Variants in MYOM3 observed in about 807,000 individuals in gnomAD.
MYOM3 encodes myomesin 3.
MYOM3 carries 155 observed loss-of-function variants against 191.7 expected under a neutral mutation model. The ratio of observed to expected loss-of-function variants is 0.81; its 90% CI spans 0.71 to 0.92. The LOEUF (loss-of-function observed/expected upper bound fraction) is 0.92. Ranked by LOEUF, MYOM3 falls within the 40% of genes least tolerant of loss-of-function variation. MYOM3 has a pLI of 0.00. For missense variants in MYOM3, 1,889 were observed against 1,890.6 expected, an observed-to-expected ratio of 1.00 and a Z score of 0.02; for synonymous variants, 757 against 762.9, an observed-to-expected ratio of 0.99 and a Z score of 0.13.
Position 24,062,019 on chromosome 1 carries a change from G to A in MYOM3, c.3861C>T (p.Asp1287=). 1.2e-6 allele frequency: 2 copies of A among 1,614,192 alleles called. No individual in the cohort carries two copies. Among genetic ancestry groups the A allele is most frequent in the Non-Finnish European group, 1.7e-6 (2 of 1,180,036 alleles). The part of the protein sequence containing the change: ...WLHILDPKDS[D]KGKYTLEIAA... Reference sequence around the variant, plus strand: ...CTATTTCCAGAGTGTATTTGCCCTTGTCTGAGTCTTTGGGGTCCAGGATGT... The same window carrying A: ...CTATTTCCAGAGTGTATTTGCCCTTATCTGAGTCTTTGGGGTCCAGGATGT... The change falls in exon 33 of 37, where the codon GAC becomes GAT. Residue 1287 remains aspartate, a synonymous_variant. Transcript: ENST00000374434.
intron 9 of MYOM3, among the ~76,000 whole-genome samples, chr1:24,094,502 C>A (rs1643868194): frequency 6.6e-6 from 1 of 152,108 alleles, no homozygotes; most frequent in South Asian, 2.1e-4. Flanking sequence ...ATGATGCATG[C>A]AAATGGCTGA....
intron 26 of MYOM3, 59 bp downstream of exon 26, chr1:24,068,146 TCAGGGCTGCAGGGCAGGC>T: frequency 6.9e-7 from 1 of 1,457,328 alleles, no homozygotes; most frequent in Non-Finnish European, 9.3e-7. Context: ...AGCCGAGGAC[TCAGGGCTGCAGGGCAGGC>T]CAGGTGTGCG....
chr1:24,102,583 C>T (rs1472818095), intron 5 of MYOM3, among the ~76,000 whole-genome samples: 1 of 152,292 alleles, frequency 6.6e-6, no homozygotes, highest in East Asian at 1.9e-4. Flanking sequence ...CATAGTGGCT[C>T]ATGCCTGTAT....
chr1:24,071,143 T>C lies in MYOM3; in HGVS notation c.3124A>G (p.Asn1042Asp), dbSNP rs1219635966. 6.2e-7 allele frequency: 1 copy of C among 1,613,978 alleles called. No individual in the cohort carries two copies. ...SPAAELHLIF[N>D]NKEIFSSPNR... Reference sequence around the variant, plus strand: ...GGCGAGCTGAAGATCTCCTTGTTGTTGAAGATTAGATGTAGCTCAGCGGCT... The same window carrying C: ...GGCGAGCTGAAGATCTCCTTGTTGTCGAAGATTAGATGTAGCTCAGCGGCT... Residue 1042 changes from asparagine (N) to aspartate (D), a missense_variant, in exon 25 of 37, where the codon AAC becomes GAC. Coordinates refer to ENST00000374434, the MANE Select transcript of MYOM3 (RefSeq NM_152372.4).
chr1:24,090,263 C>T, intron 12 of MYOM3, 145 bp from the exon 13 acceptor site: 1 of 667,784 alleles, frequency 1.5e-6, no homozygotes, highest in South Asian at 1.7e-5. Context: ...AGGTGCCCTC[C>T]CTCTGGCCTC....
rs991543806 is a variant in MYOM3, at chr1:24,063,598, C to A, written c.3623-68G>T. The A allele has an allele frequency of 6.3e-6, 10 of 1,585,380 alleles. No homozygotes were observed. The highest frequency in any genetic ancestry group is 1.3e-5 in the African/African-American group (1 of 74,458). ...CCTAGGGATGTGCTAGGAGTGGGGA[C>A]ATCCTAGAAAAAGGCTGGTGGAGCC... On this transcript the variant is annotated intron_variant, in intron 30 of 36. Coordinates refer to ENST00000374434, the MANE Select transcript of MYOM3 (RefSeq NM_152372.4). The surrounding 1 kb of genome is among the most constrained non-coding windows in gnomAD (Gnocchi z 4.5).
In MYOM3 at chr1:24,091,016, C is replaced by A. The variant is rs374233798; in HGVS notation, c.1233-20G>T. 7.4e-6 allele frequency: 12 copies of A among 1,612,658 alleles called. No homozygotes were observed. The highest frequency in any genetic ancestry group is 1.7e-5 in the Admixed American group (1 of 59,962). Reference sequence around the variant, plus strand: ...TGGCACCTGTTGGAGACAGGCCCCCCCTTTCAGCCCCTGCCCACAATGCAC... The same window carrying A: ...TGGCACCTGTTGGAGACAGGCCCCCACTTTCAGCCCCTGCCCACAATGCAC... On this transcript the variant is annotated intron_variant, in intron 11 of 36. Transcript: ENST00000374434.
chr1:24,094,529 T>G (rs1404422634), intron 9 of MYOM3, among the ~76,000 whole-genome samples: 1 of 152,052 alleles, frequency 6.6e-6, no homozygotes, highest in African/African-American at 2.4e-5. Flanking sequence ...GCCTGGTCAG[T>G]GCCAGCGGCT....
intron 35 of MYOM3, 44 bp from the exon 36 acceptor site, chr1:24,059,023 C>A: frequency 2.1e-6 from 3 of 1,439,872 alleles, no homozygotes; most frequent in South Asian, 1.2e-5. Context: ...CCTTTTCTGC[C>A]AGCCGCTTCC....
intron 10 of MYOM3, 34 bp from the exon 11 acceptor site, chr1:24,092,349 G>A: frequency 7.5e-7 from 1 of 1,339,740 alleles, no homozygotes; most frequent in Non-Finnish European, 9.6e-7. Flanking sequence ...GGCCCTTCTA[G>A]TCAGTGGCCA....
intron 33 of MYOM3, among the ~76,000 whole-genome samples, chr1:24,061,714 G>A (rs1289919642): frequency 6.6e-6 from 1 of 151,942 alleles, no homozygotes; most frequent in East Asian, 1.9e-4. Flanking sequence ...CAAGTAGCTG[G>A]GAATATAGGC....
intron 23 of MYOM3, 46 bp from the exon 24 acceptor site, chr1:24,072,059 C>G: frequency 4.4e-6 from 7 of 1,599,630 alleles, no homozygotes; most frequent in Non-Finnish European, 6.0e-6. Context: ...AATGAAATAT[C>G]CTGGTCGGGG....
In MYOM3 at chr1:24,090,864, G is replaced by A; in HGVS notation, c.1365C>T (p.Ser455=). The A allele has an allele frequency of 6.2e-7, 1 of 1,614,166 alleles. No homozygotes were observed. Among genetic ancestry groups the A allele is most frequent in the Non-Finnish European group, 8.5e-7 (1 of 1,180,022 alleles). Residue 455 remains serine (S), a synonymous_variant, in exon 12 of 37, where the codon AGC becomes AGT. Transcript: ENST00000374434. ...ACTCTGAGGCCTTGGAGGGGACGCT[G>A]CTGCCTACCCTGCTGATGGCTCTCA... ...FRVRAISRVG[S]SVPSKASELV... is the part of the protein sequence containing the mutation.
In MYOM3 at chr1:24,103,888, C is replaced by T. The variant is rs893525435; in HGVS notation, c.560+2032G>A. 2.6e-5 allele frequency among the ~76,000 whole-genome samples: 4 copies of T among 151,218 alleles called. No homozygotes were observed. In the East Asian group the frequency reaches 5.8e-4, roughly 22 times the overall value. ...TGGCTCAGTCCTTTGGATGTTAATCCGACTGGGTTGGTGCACCTAAATAAT... is the reference window on the plus strand; with the variant it reads ...TGGCTCAGTCCTTTGGATGTTAATCTGACTGGGTTGGTGCACCTAAATAAT... On this transcript the variant is annotated intron_variant, in intron 5 of 36. Transcript: ENST00000374434.
At chr1:24,107,482 C>T (rs990420289) in intron 3 of MYOM3, among the ~76,000 whole-genome samples, 1 of 152,212 alleles carries the variant, frequency 6.6e-6, no homozygotes, top group Non-Finnish European at 1.5e-5. Flanking sequence ...GTTTTCACGA[C>T]AGCCAAGTGG....
chr1:24,061,312 A>G lies in MYOM3; in HGVS notation c.3935-3T>C, dbSNP rs765173786. 1.3e-5 allele frequency: 21 copies of G among 1,613,938 alleles called. No homozygotes were observed. In the East Asian group the frequency reaches 2.0e-4, roughly 15 times the overall value. ...TTCAGCCATTGCATCCTCAAAAGCT[A>G]TAAGAAGGACAGAGGAGAATGGGGG... On this transcript the variant is annotated splice_polypyrimidine_tract_variant and splice_region_variant and intron_variant, in intron 33 of 36. Transcript: ENST00000374434.
At chr1:24,093,550 G>A (rs1021754560) in intron 9 of MYOM3, among the ~76,000 whole-genome samples, 7 of 151,876 alleles carry the variant, frequency 4.6e-5, no homozygotes, top group African/African-American at 1.7e-4. Context: ...GGTGGAGGAC[G>A]TGTCGTGGGG....
Position 24,093,043 on chromosome 1 carries a change from C to G in MYOM3, c.994G>C (p.Val332Leu). ...TCGTCCTCCTTGTAGGTGCAGGACACCTTCAGGGATGCCTGGCGGTCTGTG... is the reference window on the plus strand; with the variant it reads ...TCGTCCTCCTTGTAGGTGCAGGACAGCTTCAGGGATGCCTGGCGGTCTGTG... Reference protein sequence around the residue: ...LYTDRQASLKVSCTYKEDEGL... With the variant: ...LYTDRQASLKLSCTYKEDEGL... Residue 332 changes from valine to leucine, a missense_variant, in exon 10 of 37, where the codon GTG (valine) becomes CTG (leucine). Physicochemically the swap from Val to Leu is conservative, Grantham distance 32 (BLOSUM62 1). Coordinates refer to ENST00000374434, the MANE Select transcript of MYOM3 (RefSeq NM_152372.4). 1 of 1,613,332 alleles carries G rather than the reference C, an allele frequency of 6.2e-7. No homozygotes were observed. The highest frequency in any genetic ancestry group is 8.5e-7 in the Non-Finnish European group (1 of 1,179,930).
chr1:24,062,027 CTT>C lies in MYOM3; in HGVS notation c.3851_3852del (p.Lys1284ArgfsTer30). ...AGAGTGTATTTGCCCTTGTCTGAGT[CTT>C]TGGGGTCCAGGATGTGAAGCCAGAT... ...DEIWLHILDP[K>X]DSDKGKYTLE... is the part of the protein sequence containing the mutation. On this transcript the variant is annotated frameshift_variant, in exon 33 of 37. Coordinates refer to ENST00000374434, the MANE Select transcript of MYOM3 (RefSeq NM_152372.4). LOFTEE classifies it high-confidence loss of function. The C allele has an allele frequency of 6.2e-7, 1 of 1,614,214 alleles. No individual in the cohort carries two copies. Among genetic ancestry groups the C allele is most frequent in the Non-Finnish European group, 8.5e-7 (1 of 1,180,046 alleles).
Sources: allele counts gnomAD v4.1 joint callset (sites outside exome capture counted in the v4.1 genomes callset), GRCh38; gene constraint gnomAD v4.1.1; non-coding constraint Gnocchi (gnomAD v3.1); transcripts MANE v1.5; gene names NCBI Gene and HGNC (gene_info 2026-07-23, HGNC 2026-07-21).